PDE4B: variants seen among roughly 807,000 people sequenced by gnomAD.
PDE4B encodes 3',5'-cyclic-AMP phosphodiesterase 4B.
PDE4B carries 20 observed loss-of-function variants against 82.2 expected under a neutral mutation model. The ratio of observed to expected loss-of-function variants is 0.24; its 90% CI spans 0.17 to 0.35. PDE4B has a LOEUF of 0.35. Among genes scored for constraint, PDE4B ranks in the 10% least tolerant of loss-of-function variants. The pLI, the probability that PDE4B is intolerant of heterozygous loss-of-function variation, is 1.00. For missense variants in PDE4B, 655 were observed against 907.2 expected, an observed-to-expected ratio of 0.72 and a Z score of 3.57; for synonymous variants, 320 against 318.9, an observed-to-expected ratio of 1.00 and a Z score of -0.04.
intron 3 of PDE4B, among the ~76,000 whole-genome samples, chr1:66,201,109 G>A (rs1446654950): frequency 6.6e-6 from 1 of 152,134 alleles, no homozygotes; most frequent in Non-Finnish European, 1.5e-5. Flanking sequence ...ATAATCATGT[G>A]GTTTTTGTCT....
intron 1 of PDE4B, among the ~76,000 whole-genome samples, chr1:65,900,159 G>A (rs1247861368): frequency 1.3e-5 from 2 of 152,112 alleles, no homozygotes; most frequent in South Asian, 2.1e-4. Context: ...TAGGGGTCCA[G>A]TTTCATTCTT....
intron 8 of PDE4B, among the ~76,000 whole-genome samples, chr1:66,344,463 T>C (rs1195221140): frequency 1.3e-5 from 2 of 152,242 alleles, no homozygotes; most frequent in African/African-American, 2.4e-5. Context: ...TTTGTATTTA[T>C]ATTTTTTCTT....
At chr1:66,020,886 G>A (rs1286752656) in intron 3 of PDE4B, among the ~76,000 whole-genome samples, 14 of 152,156 alleles carry the variant, frequency 9.2e-5, no homozygotes, top group Non-Finnish European at 1.8e-4. Context: ...TTGAGGAATC[G>A]CCATACTGTC....
chr1:66,216,132 G>A (rs1650437107), intron 3 of PDE4B, among the ~76,000 whole-genome samples: 1 of 151,776 alleles, frequency 6.6e-6, no homozygotes, highest in South Asian at 2.1e-4. Context: ...ATTATTTTGG[G>A]TGTGTCGGTG....
chr1:66,289,538 G>A (rs1002762413), intron 7 of PDE4B, among the ~76,000 whole-genome samples: 2 of 151,954 alleles, frequency 1.3e-5, no homozygotes, highest in Non-Finnish European at 2.9e-5. Flanking sequence ...GAGAAAGAAG[G>A]CCGGTGTGGC....
chr1:66,222,754 GCTC>G (rs1397683266), intron 3 of PDE4B, among the ~76,000 whole-genome samples: 1 of 152,144 alleles, frequency 6.6e-6, no homozygotes, highest in African/African-American at 2.4e-5. Flanking sequence ...GTAAAAATAT[GCTC>G]CCAGTTTAGT....
At chr1:66,286,255 G>A (rs1557679678) in intron 7 of PDE4B, among the ~76,000 whole-genome samples, 1 of 152,060 alleles carries the variant, frequency 6.6e-6, no homozygotes, top group Non-Finnish European at 1.5e-5. Flanking sequence ...GGAACTTTTT[G>A]TATGTTTTGT....
chr1:65,981,360 A>T (rs1188368280), intron 3 of PDE4B, among the ~76,000 whole-genome samples: 1 of 152,180 alleles, frequency 6.6e-6, no homozygotes, highest in African/African-American at 2.4e-5. Context: ...AATTATTTTT[A>T]AAAATTACTC....
intron 7 of PDE4B, among the ~76,000 whole-genome samples, chr1:66,298,617 T>C (rs997131469): frequency 2.0e-5 from 3 of 152,194 alleles, no homozygotes; most frequent in Non-Finnish European, 2.9e-5. Context: ...ACTTCAAAGC[T>C]TGTGTTCTTT....
intron 7 of PDE4B, among the ~76,000 whole-genome samples, chr1:66,303,760 A>G (rs1342951422): frequency 6.6e-6 from 1 of 152,144 alleles, no homozygotes; most frequent in East Asian, 1.9e-4. Flanking sequence ...ATGGGAAAAC[A>G]GGTAAGAGCG....
chr1:66,355,507 T>C lies in PDE4B; in HGVS notation c.748-20T>C, dbSNP rs1662167649. On this transcript the variant is annotated intron_variant, in intron 8 of 16. Coordinates refer to ENST00000341517, the MANE Select transcript of PDE4B (RefSeq NM_002600.4). Reference sequence around the variant, plus strand: ...TGCTCTTTTTAAAGTGGTTAATGCATTTTTGTTCTTTATAAACAGTTCAAA... The same window carrying C: ...TGCTCTTTTTAAAGTGGTTAATGCACTTTTGTTCTTTATAAACAGTTCAAA... The C allele has an allele frequency of 7.8e-6, 12 of 1,542,080 alleles. No homozygotes were observed. Among genetic ancestry groups the C allele is most frequent in the Non-Finnish European group, 9.8e-6 (11 of 1,118,112 alleles).
intron 3 of PDE4B, among the ~76,000 whole-genome samples, chr1:65,927,905 G>A (rs536578178): frequency 1.1e-4 from 17 of 152,126 alleles, no homozygotes; most frequent in Admixed American, 6.5e-4. Context: ...GGATGAGTCC[G>A]GGAACCCACT....
At chr1:66,050,440 G>A (rs1217834914) in intron 3 of PDE4B, 1 of 151,886 alleles carries the variant, frequency 6.6e-6, no homozygotes, top group African/African-American at 2.4e-5. Context: ...AAGTATAATG[G>A]ACAGTGTTGA....
At chr1:66,079,198 C>G (rs201591328) in intron 3 of PDE4B, among the ~76,000 whole-genome samples, 20 of 148,760 alleles carry the variant, frequency 1.3e-4, no homozygotes, top group African/African-American at 4.7e-4. Flanking sequence ...CTCTCTCTCT[C>G]TCTGTCTCTG....
chr1:66,103,920 TA>T (rs746578664), intron 3 of PDE4B, among the ~76,000 whole-genome samples: 20 of 152,096 alleles, frequency 1.3e-4, no homozygotes, highest in East Asian at 3.9e-4. Flanking sequence ...CGAGAGGCAT[TA>T]TTTTTTTATT....
intron 3 of PDE4B, among the ~76,000 whole-genome samples, chr1:66,145,428 A>G (rs2101164812): frequency 6.6e-6 from 1 of 152,256 alleles, no homozygotes; most frequent in East Asian, 1.9e-4. Context: ...CAAGGCTACT[A>G]TTTCTCTGCC....
At chr1:66,294,958 C>T (rs1400688829) in intron 7 of PDE4B, among the ~76,000 whole-genome samples, 1 of 152,158 alleles carries the variant, frequency 6.6e-6, no homozygotes, top group Non-Finnish European at 1.5e-5. Context: ...GAACCTTTCA[C>T]AGGCCCCAGA....
intron 3 of PDE4B, among the ~76,000 whole-genome samples, chr1:65,990,329 A>AT (rs1477087894): frequency 6.6e-6 from 1 of 152,186 alleles, no homozygotes; most frequent in Non-Finnish European, 1.5e-5. Flanking sequence ...ATTTGCTGTA[A>AT]TATTTTTAGA....
chr1:66,011,979 A>G (rs1347760478), intron 3 of PDE4B, among the ~76,000 whole-genome samples: 1 of 152,136 alleles, frequency 6.6e-6, no homozygotes, highest in African/African-American at 2.4e-5. Flanking sequence ...ATATTCAGTT[A>G]AGAAATAATT....
Sources: allele counts gnomAD v4.1 joint callset (sites outside exome capture counted in the v4.1 genomes callset), GRCh38; gene constraint gnomAD v4.1.1; transcripts MANE v1.5; gene names NCBI Gene and HGNC (gene_info 2026-07-23, HGNC 2026-07-21).